The following ROBO2 variants were observed in gnomAD, a reference collection of about 807,000 sequenced individuals.
ROBO2 encodes the protein roundabout guidance receptor 2, also known as roundabout homolog 2.
A neutral mutation model predicts 160.8 loss-of-function variants in ROBO2; 53 were observed. The ratio of observed to expected loss-of-function variants is 0.33; its 90% confidence interval spans 0.26 to 0.41. The LOEUF (loss-of-function observed/expected upper bound fraction) is 0.41. Among genes scored for constraint, ROBO2 ranks in the 10% least tolerant of loss-of-function variants. The pLI, the probability that ROBO2 is intolerant of heterozygous loss-of-function variation, is 1.00. For synonymous variants in ROBO2, 664 were observed against 611.7 expected (o/e 1.09, Z -1.26); for missense variants, 1,577 against 1,722.4 (o/e 0.92, Z 1.49).
At position 75,937,468 on chromosome 3, in the gene ROBO2, A is replaced by G. The variant is rs758963379; in HGVS notation, c.-13-13A>G. On this transcript the variant is annotated splice_polypyrimidine_tract_variant and intron_variant, in intron 1 of 26. Coordinates refer to the ROBO2 transcript ENST00000487694. ...TTTATTGTACTTTCACATCCACCCCACTCAATATGCAGAGTTTAAGATGCA... is the reference window on the plus strand; with the variant it reads ...TTTATTGTACTTTCACATCCACCCCGCTCAATATGCAGAGTTTAAGATGCA... The G allele has an allele frequency of 4.2e-6, 6 of 1,442,748 alleles. No individual in the cohort carries two copies. The East Asian group carries it at 1.2e-4, about 29-fold the overall frequency. 89.4% of individuals were successfully genotyped at this position (1,442,748 alleles called of 1,614,324 possible).
At chr3:76,588,576 A>T (rs2086209966) in intron 2 of ROBO2, among the ~76,000 whole-genome samples, 2 of 152,210 alleles carry the variant, frequency 1.3e-5, no homozygotes, top group African/African-American at 4.8e-5. Context: ...TATTCTGATG[A>T]TATTCTTTAA....
At chr3:76,577,434 T>G (rs1190847312) in intron 2 of ROBO2, among the ~76,000 whole-genome samples, 1 of 152,114 alleles carries the variant, frequency 6.6e-6, no homozygotes, top group African/African-American at 2.4e-5. Context: ...TGGGACAAAT[T>G]CTCAAAATTC....
chr3:76,050,163 G>A (rs974468657), intron 2 of ROBO2, among the ~76,000 whole-genome samples: 4 of 152,128 alleles, frequency 2.6e-5, no homozygotes, highest in Non-Finnish European at 5.9e-5. Flanking sequence ...ATCTGGGTGG[G>A]CACTGTCTAA....
At chr3:76,240,307 T>C (rs1396215354) in intron 2 of ROBO2, among the ~76,000 whole-genome samples, 3 of 146,714 alleles carry the variant, frequency 2.0e-5, no homozygotes, top group Non-Finnish European at 4.5e-5. Context: ...CAGGCCCCAG[T>C]GTGTGATGTT....
chr3:77,333,417 A>G (rs1581139717), intron 2 of ROBO2, among the ~76,000 whole-genome samples: 1 of 152,368 alleles, frequency 6.6e-6, no homozygotes, highest in South Asian at 2.1e-4. Context: ...TAGATTGATT[A>G]GAACAGAATG....
intron 2 of ROBO2, among the ~76,000 whole-genome samples, chr3:76,272,953 AAT>A (rs1468068010): frequency 3.2e-5 from 1 of 31,306 alleles, no homozygotes; most frequent in African/African-American, 7.2e-5. Flanking sequence ...TAAAATATAT[AAT>A]ATATATTTAT....
intron 2 of ROBO2, among the ~76,000 whole-genome samples, chr3:76,951,664 G>A (rs538671087): frequency 6.6e-6 from 1 of 152,110 alleles, no homozygotes; most frequent in African/African-American, 2.4e-5. Context: ...AAGCATGTAC[G>A]ATATGTGTGT....
intron 2 of ROBO2, among the ~76,000 whole-genome samples, chr3:76,033,372 T>C (rs2066992417): frequency 6.6e-6 from 1 of 152,104 alleles, no homozygotes; most frequent in Non-Finnish European, 1.5e-5. Context: ...GTGTGAATAC[T>C]AAAAGGCCTA....
intron 1 of ROBO2, among the ~76,000 whole-genome samples, chr3:77,064,586 C>T (rs1266214661): frequency 6.6e-6 from 1 of 151,642 alleles, no homozygotes; most frequent in East Asian, 2.0e-4. Context: ...GTCTTGAACT[C>T]CTGACCTCAA....
At chr3:77,087,753 T>C (rs866025207) in intron 1 of ROBO2, among the ~76,000 whole-genome samples, 46 of 152,060 alleles carry the variant, frequency 3.0e-4, no homozygotes, top group African/African-American at 1.0e-3. Context: ...TGTGTACATA[T>C]ACATATGTGT....
rs78698899 is a variant in ROBO2 at position 77,488,527 on chromosome 3, G to A, written c.668-4717G>A. 7.7e-3 allele frequency among the ~76,000 whole-genome samples: 1,166 copies of A among 152,250 alleles called. 12 individuals carry two copies. Among genetic ancestry groups the A allele is most frequent in the Non-Finnish European group, 0.01 (704 of 67,990 alleles). Reference sequence around the variant, plus strand: ...TTATTCAATAGTTTAAGATTTTCATGCATACTTATTTTAATTGTACAGAGC... The same window carrying A: ...TTATTCAATAGTTTAAGATTTTCATACATACTTATTTTAATTGTACAGAGC... On this transcript the variant is annotated intron_variant, in intron 4 of 25. Transcript: ENST00000461745.
chr3:75,914,610 T>C (rs1443132943), intron 1 of ROBO2, among the ~76,000 whole-genome samples: 1 of 152,232 alleles, frequency 6.6e-6, no homozygotes, highest in Non-Finnish European at 1.5e-5. Flanking sequence ...AGATTGATTA[T>C]GAAAAGTAAT....
At chr3:77,309,662 C>A (rs2063379328) in intron 2 of ROBO2, among the ~76,000 whole-genome samples, 1 of 152,204 alleles carries the variant, frequency 6.6e-6, no homozygotes. Flanking sequence ...GCTCTCTTCC[C>A]AGATGAGTCA....
intron 2 of ROBO2, among the ~76,000 whole-genome samples, chr3:76,849,737 G>T (rs1463312812): frequency 1.3e-5 from 2 of 152,178 alleles, no homozygotes; most frequent in Non-Finnish European, 1.5e-5. Flanking sequence ...TTAGAAGCAG[G>T]TAGTGGGCAC....
intron 2 of ROBO2, among the ~76,000 whole-genome samples, chr3:76,086,467 C>T (rs577247895): frequency 2.6e-5 from 4 of 152,072 alleles, no homozygotes; most frequent in African/African-American, 9.7e-5. Context: ...TCCTATGTCA[C>T]CCAATGGGCA....
chr3:76,788,567 T>C (rs1183314506), intron 2 of ROBO2, among the ~76,000 whole-genome samples: 1 of 151,562 alleles, frequency 6.6e-6, no homozygotes, highest in African/African-American at 2.4e-5. Context: ...AGGACTTTTA[T>C]GATAAGAAAT....
At chr3:77,451,910 C>T (rs2081154374) in intron 2 of ROBO2, among the ~76,000 whole-genome samples, 1 of 152,070 alleles carries the variant, frequency 6.6e-6, no homozygotes, top group African/African-American at 2.4e-5. Context: ...TCTCCTAATG[C>T]TATCCCTCCC....
intron 2 of ROBO2, among the ~76,000 whole-genome samples, chr3:76,528,453 G>T (rs912488063): frequency 9.2e-5 from 14 of 152,072 alleles, no homozygotes; most frequent in African/African-American, 3.4e-4. Flanking sequence ...ACGATTAAAT[G>T]TGATGTCTGA....
intron 2 of ROBO2, among the ~76,000 whole-genome samples, chr3:76,056,571 CA>C (rs1177998110): frequency 3.3e-5 from 5 of 151,064 alleles, no homozygotes; most frequent in Non-Finnish European, 7.4e-5. Context: ...GAGGAGTTTA[CA>C]AAAAAAGAAA....
Sources: gnomAD v4.1 joint callset for allele counts (sites outside exome capture counted in the v4.1 genomes callset) on GRCh38, gnomAD v4.1.1 for gene constraint, MANE v1.5 for transcripts, NCBI Gene and HGNC (gene_info 2026-07-23, HGNC 2026-07-21) for gene names.